Variants in ADD3 observed in about 807,000 individuals in gnomAD.
ADD3 encodes gamma-adducin.
A neutral mutation model predicts 80.2 loss-of-function variants in ADD3; 25 were observed. The observed-to-expected ratio is 0.31, with a 90% CI of 0.23 to 0.44. The LOEUF is 0.44. Among genes scored for constraint, ADD3 ranks in the 20% least tolerant of loss-of-function variants. The probability of loss-of-function intolerance (pLI) is 1.00; values close to 1 mark genes in which losing one functional copy is unlikely to be tolerated. For missense variants in ADD3, 829 were observed against 847.5 expected (o/e 0.98, Z 0.27); for synonymous variants, 284 against 289.6 (o/e 0.98, Z 0.20).
intron 1 of ADD3, among the ~76,000 whole-genome samples, chr10:110,014,815 C>T (rs1158609858): frequency 6.6e-6 from 1 of 152,106 alleles, no homozygotes; most frequent in Non-Finnish European, 1.5e-5. Context: ...GTGTGAGCCA[C>T]CGCGTCCAGC....
chr10:110,014,555 T>C (rs540859856), intron 1 of ADD3, among the ~76,000 whole-genome samples: 22 of 152,332 alleles, frequency 1.4e-4, no homozygotes, highest in Admixed American at 1.2e-3. Context: ...CAGAGTTTTT[T>C]ACTCTTGTTG....
At chr10:110,008,742 C>G (rs1465703692) in intron 1 of ADD3, among the ~76,000 whole-genome samples, 1 of 151,974 alleles carries the variant, frequency 6.6e-6, no homozygotes, top group African/African-American at 2.4e-5. Context: ...GGAAAGGGAG[C>G]GAATGTTGGT....
At chr10:110,048,288 C>T (rs980241045) in intron 1 of ADD3, among the ~76,000 whole-genome samples, 3 of 152,168 alleles carry the variant, frequency 2.0e-5, no homozygotes, top group Non-Finnish European at 2.9e-5. Context: ...AACTATCCAG[C>T]CTTGGGTATG....
intron 3 of ADD3, 119 bp from the exon 4 acceptor site, chr10:110,116,140 T>C: frequency 4.5e-6 from 4 of 896,366 alleles, no homozygotes; most frequent in Non-Finnish European, 6.8e-6. Context: ...GGCTGATAAA[T>C]TTCAGATTAT....
intron 1 of ADD3, among the ~76,000 whole-genome samples, chr10:110,019,282 G>GT (rs1853370106): frequency 6.6e-6 from 1 of 150,990 alleles, no homozygotes; most frequent in African/African-American, 2.4e-5. Context: ...GACTTGTCAT[G>GT]TTTATCCCTT....
chr10:110,126,411 A>G lies in ADD3; in HGVS notation c.1522-6A>G. 6.2e-7 allele frequency: 1 copy of G among 1,611,758 alleles called. No homozygotes were observed. The highest frequency in any genetic ancestry group is 8.5e-7 in the Non-Finnish European group (1 of 1,178,628). On this transcript the variant is annotated splice_region_variant and splice_polypyrimidine_tract_variant and intron_variant, in intron 11 of 14. Transcript: ENST00000356080. ...GAACTTTATATTGAATTGTTTTTCA[A>G]TTCAGATTCGGGAACAAAATCGATA...
intron 1 of ADD3, among the ~76,000 whole-genome samples, chr10:110,099,743 T>TA (rs11436327): frequency 0.066 from 10,000 of 152,268 alleles, 560 homozygotes; most frequent in African/African-American, 0.15. Flanking sequence ...TTTTTAAAAC[T>TA]AGAATTCTGT....
At chr10:110,028,942 C>T (rs1052403783) in intron 1 of ADD3, among the ~76,000 whole-genome samples, 2 of 151,046 alleles carry the variant, frequency 1.3e-5, no homozygotes, top group Non-Finnish European at 2.9e-5. Flanking sequence ...TGCAATGGCA[C>T]GATCTCGGCT....
At chr10:110,112,717 A>G (rs1850205332) in intron 2 of ADD3, 60 bp from the exon 3 acceptor site, 1 of 1,557,022 alleles carries the variant, frequency 6.4e-7, no homozygotes, top group Admixed American at 2.0e-5. Flanking sequence ...TTGTATCGGA[A>G]CAAGTTACTT....
intron 1 of ADD3, among the ~76,000 whole-genome samples, chr10:110,025,115 T>C (rs1221587729): frequency 6.6e-6 from 1 of 151,854 alleles, no homozygotes; most frequent in African/African-American, 2.4e-5. Flanking sequence ...AGGCTGCTCT[T>C]AAACTCCTGG....
intron 1 of ADD3, among the ~76,000 whole-genome samples, chr10:110,020,314 A>C (rs1294076590): frequency 1.3e-5 from 2 of 152,196 alleles, no homozygotes; most frequent in East Asian, 3.9e-4. Flanking sequence ...CAATAGAAAT[A>C]AAGTATGTGT....
intron 1 of ADD3, among the ~76,000 whole-genome samples, chr10:110,031,512 A>G (rs983739971): frequency 6.6e-6 from 1 of 152,168 alleles, no homozygotes; most frequent in East Asian, 1.9e-4. Context: ...TTCTAGAACC[A>G]GTGTTCTTTC....
chr10:110,024,194 G>T (rs1003304152), intron 1 of ADD3, among the ~76,000 whole-genome samples: 2 of 152,194 alleles, frequency 1.3e-5, no homozygotes, highest in African/African-American at 4.8e-5. Context: ...GAACTTTTGT[G>T]CAATGGAATA....
chr10:110,000,720 T>A (rs924750949), intron 1 of ADD3, among the ~76,000 whole-genome samples: 1 of 152,330 alleles, frequency 6.6e-6, no homozygotes, highest in African/African-American at 2.4e-5. Flanking sequence ...CTGGATTTGA[T>A]CCCTAGCAGT....
chr10:110,063,783 A>ATATATATAG (rs1491280257), intron 1 of ADD3, among the ~76,000 whole-genome samples: 1 of 123,336 alleles, frequency 8.1e-6, no homozygotes, highest in Admixed American at 7.7e-5. Context: ...ATATATATAT[A>ATATATATAG]AAGTGAACAC....
intron 1 of ADD3, among the ~76,000 whole-genome samples, chr10:110,014,059 A>G (rs558750823): frequency 6.6e-6 from 1 of 152,332 alleles, no homozygotes; most frequent in South Asian, 2.1e-4. Flanking sequence ...TGCTAGAATG[A>G]CTAAATGCTA....
At position 110,124,226 on chromosome 10, in the gene ADD3, G is replaced by A. The variant is rs989796150; in HGVS notation, c.1353G>A (p.Val451=). ...CAAATACTTACATGAAAGTGAATGT[G>A]CCTGAGGAGTCTCGGAACGGAGAAA... ...NSPNTYMKVN[V]PEESRNGETS... is the part of the protein sequence containing the mutation. The change falls in exon 10 of 15, where the codon GTG becomes GTA. Residue 451 remains valine, a synonymous_variant. Coordinates refer to ENST00000356080, the MANE Select transcript of ADD3 (RefSeq NM_016824.5). 13 of 1,614,092 alleles carry A rather than the reference G, an allele frequency of 8.1e-6. No homozygotes were observed. In the Admixed American group the frequency reaches 2.0e-4, roughly 25 times the overall value.
At chr10:110,085,668 A>C (rs1324546971) in intron 1 of ADD3, among the ~76,000 whole-genome samples, 1 of 152,230 alleles carries the variant, frequency 6.6e-6, no homozygotes, top group African/African-American at 2.4e-5. Flanking sequence ...CAAATGATAG[A>C]AGGGTCTAAG....
chr10:110,038,781 G>GA (rs1254533502), intron 1 of ADD3, among the ~76,000 whole-genome samples: 1 of 152,120 alleles, frequency 6.6e-6, no homozygotes, highest in Non-Finnish European at 1.5e-5. Flanking sequence ...GTAAAGACTA[G>GA]AAAAAACTGG....
Sources: allele counts gnomAD v4.1 joint callset (sites outside exome capture counted in the v4.1 genomes callset), GRCh38; gene constraint gnomAD v4.1.1; transcripts MANE v1.5; gene names NCBI Gene and HGNC (gene_info 2026-07-23, HGNC 2026-07-21).